The following KDM4B variants were observed in gnomAD, a reference collection of about 807,000 sequenced individuals.
KDM4B encodes the protein lysine demethylase 4B, also known as lysine-specific demethylase 4B.
A neutral mutation model predicts 125.2 loss-of-function variants in KDM4B; 32 were observed. The ratio of observed to expected loss-of-function variants is 0.26; its 90% CI spans 0.19 to 0.34. The LOEUF is 0.34. Among genes scored for constraint, KDM4B ranks in the 10% least tolerant of loss-of-function variants. The probability of loss-of-function intolerance (pLI) is 1.00; values close to 1 mark genes in which losing one functional copy is unlikely to be tolerated. For synonymous variants in KDM4B, 721 were observed against 677.9 expected (o/e 1.06, Z -0.99); for missense variants, 1,190 against 1,577.7 (o/e 0.75, Z 4.16).
intron 2 of KDM4B, among the ~76,000 whole-genome samples, chr19:5,020,708 C>T (rs2036088966): frequency 1.3e-5 from 2 of 152,196 alleles, no homozygotes; most frequent in Admixed American, 1.3e-4. Flanking sequence ...AGTATTGAAT[C>T]GTAATGGTTT....
chr19:4,987,441 G>C (rs970579493), intron 1 of KDM4B, among the ~76,000 whole-genome samples: 4 of 152,108 alleles, frequency 2.6e-5, no homozygotes, highest in Admixed American at 2.6e-4. Context: ...CTGTCTGGGA[G>C]GAGGGGAGGT....
At chr19:4,994,617 A>G (rs1366943620) in intron 1 of KDM4B, among the ~76,000 whole-genome samples, 2 of 148,076 alleles carry the variant, frequency 1.4e-5, no homozygotes, top group African/African-American at 2.5e-5. Context: ...AGTATATAGT[A>G]TAGTATATAG....
intron 8 of KDM4B, among the ~76,000 whole-genome samples, chr19:5,080,134 T>G (rs1052827368): frequency 2.0e-5 from 3 of 152,220 alleles, no homozygotes; most frequent in Non-Finnish European, 4.4e-5. Flanking sequence ...TATAACTTAA[T>G]GCACACTGAC....
chr19:5,007,527 T>G (rs1018137393), intron 1 of KDM4B, among the ~76,000 whole-genome samples: 5 of 149,998 alleles, frequency 3.3e-5, no homozygotes, highest in Non-Finnish European at 7.4e-5. Context: ...CATTGTCTTT[T>G]CACTTTCTCT....
Position 5,135,522 on chromosome 19 carries a change from C to T in KDM4B, c.2269C>T (p.Leu757=). Reference sequence around the variant, plus strand: ...CATCGGCGACGACGGGACCAGCCCCCTGATCGCCTGCGGCAAGTGCTGCCT... The same window carrying T: ...CATCGGCGACGACGGGACCAGCCCCTTGATCGCCTGCGGCAAGTGCTGCCT... ...SYIGDDGTSP[L]IACGKCCLQV... Residue 757 remains leucine, a synonymous_variant, in exon 15 of 23, where the codon CTG becomes TTG. Transcript: ENST00000159111. The T allele has an allele frequency of 6.2e-7, 1 of 1,608,966 alleles. No homozygotes were observed. The highest frequency in any genetic ancestry group is 8.5e-7 in the Non-Finnish European group (1 of 1,178,584).
intron 9 of KDM4B, among the ~76,000 whole-genome samples, chr19:5,085,828 C>G (rs1484574939): frequency 6.6e-6 from 1 of 152,230 alleles, no homozygotes; most frequent in South Asian, 2.1e-4. Context: ...GGCAGCCGGC[C>G]CCTGACTCTG....
chr19:5,102,104 G>A (rs758575934), intron 9 of KDM4B, among the ~76,000 whole-genome samples: 3 of 152,166 alleles, frequency 2.0e-5, no homozygotes, highest in East Asian at 1.9e-4. Flanking sequence ...GCCATGAGGC[G>A]TGGGGTGCGT....
At chr19:5,144,506 C>CA (rs2039807227) in intron 20 of KDM4B, 94 bp downstream of exon 20, 2 of 151,388 alleles carry the variant, frequency 1.3e-5, no homozygotes, top group Non-Finnish European at 2.3e-5. Flanking sequence ...TGGGGGTGGG[C>CA]GGGGGGAAGC....
chr19:5,135,954 C>G (rs920736756), intron 15 of KDM4B, among the ~76,000 whole-genome samples: 3 of 152,238 alleles, frequency 2.0e-5, no homozygotes, highest in Admixed American at 2.0e-4. Flanking sequence ...CCACCCTGTC[C>G]CTGACACCCA....
At chr19:5,045,199 C>G (rs891221142) in intron 5 of KDM4B, among the ~76,000 whole-genome samples, 4 of 152,196 alleles carry the variant, frequency 2.6e-5, no homozygotes, top group Non-Finnish European at 5.9e-5. Context: ...CCCGCTTCCC[C>G]GCCCCCATCT....
chr19:4,985,278 C>T (rs771787626), intron 1 of KDM4B, among the ~76,000 whole-genome samples: 4 of 152,052 alleles, frequency 2.6e-5, no homozygotes, highest in African/African-American at 7.2e-5. Context: ...GAGCCGAGAT[C>T]GCGCCATTGC....
intron 6 of KDM4B, among the ~76,000 whole-genome samples, chr19:5,061,679 A>G (rs1007327665): frequency 2.0e-5 from 3 of 152,116 alleles, no homozygotes; most frequent in African/African-American, 7.2e-5. Flanking sequence ...AGCCTGGGCA[A>G]CATTGCAAGA....
chr19:5,113,535 C>T (rs1254753169), intron 10 of KDM4B, among the ~76,000 whole-genome samples: 2 of 152,088 alleles, frequency 1.3e-5, no homozygotes, highest in Non-Finnish European at 2.9e-5. Flanking sequence ...GGGGCCAGGG[C>T]AGCCCTGTCT....
At chr19:5,032,104 C>T (rs2036477959) in intron 2 of KDM4B, among the ~76,000 whole-genome samples, 1 of 152,200 alleles carries the variant, frequency 6.6e-6, no homozygotes, top group Non-Finnish European at 1.5e-5. Context: ...TACCAGTTCC[C>T]ACCCTGCAAC....
chr19:5,094,126 G>T (rs2038769538), intron 9 of KDM4B, among the ~76,000 whole-genome samples: 1 of 152,204 alleles, frequency 6.6e-6, no homozygotes, highest in Non-Finnish European at 1.5e-5. Context: ...CTGCCCCATG[G>T]TCACGCGGCC....
intron 11 of KDM4B, among the ~76,000 whole-genome samples, chr19:5,125,183 C>T (rs893869407): frequency 7.9e-5 from 12 of 152,342 alleles, no homozygotes; most frequent in African/African-American, 2.2e-4. Flanking sequence ...CCACTGTGCC[C>T]AGCTTTCTTT....
intron 9 of KDM4B, among the ~76,000 whole-genome samples, chr19:5,104,496 T>C (rs1484204996): frequency 6.6e-6 from 1 of 152,082 alleles, no homozygotes; most frequent in African/African-American, 2.4e-5. Flanking sequence ...TTTTTTTTTT[T>C]CCAGCAACTA....
chr19:5,084,454 AATTT>A (rs2038410366), intron 9 of KDM4B, among the ~76,000 whole-genome samples: 1 of 140,322 alleles, frequency 7.1e-6, no homozygotes, highest in Non-Finnish European at 1.5e-5. Flanking sequence ...ATGTTATAAT[AATTT>A]ATATATTATA....
intron 21 of KDM4B, among the ~76,000 whole-genome samples, chr19:5,147,853 C>T (rs955390503): frequency 6.6e-5 from 10 of 151,992 alleles, no homozygotes; most frequent in Admixed American, 3.3e-4. Context: ...CCGTGGAGTG[C>T]GCGCCTGCCT....
Sources: gnomAD v4.1 joint callset for allele counts (sites outside exome capture counted in the v4.1 genomes callset) on GRCh38, gnomAD v4.1.1 for gene constraint, MANE v1.5 for transcripts, NCBI Gene and HGNC (gene_info 2026-07-23, HGNC 2026-07-21) for gene names.